Variants in NDUFA7 observed in about 807,000 individuals in gnomAD.
The protein encoded by NDUFA7 is NADH dehydrogenase [ubiquinone] 1 alpha subcomplex subunit 7.
NDUFA7 carries 18 observed loss-of-function variants against 14.2 expected under a neutral mutation model. The ratio of observed to expected loss-of-function variants is 1.27; its 90% CI spans 0.88 to 1.88. The LOEUF is 1.88. Among genes scored for constraint, NDUFA7 ranks in the 40% most tolerant of loss-of-function variants. The pLI is 0.00. For missense variants in NDUFA7, 172 were observed against 147.3 expected (o/e 1.17, Z -0.87); for synonymous variants, 75 against 62.1 (o/e 1.21, Z -0.98).
intron 2 of NDUFA7, among the ~76,000 whole-genome samples, chr19:8,318,425 G>C (rs1378115081): frequency 6.6e-6 from 1 of 151,978 alleles, no homozygotes; most frequent in Non-Finnish European, 1.5e-5. Flanking sequence ...TGGGATTACA[G>C]GCATGAGCCA....
At chr19:8,316,712 CT>C (rs755990875) in intron 2 of NDUFA7, 67 bp from the exon 3 acceptor site, 1 of 1,018,818 alleles carries the variant, frequency 9.8e-7, no homozygotes, top group Non-Finnish European at 1.4e-6. Context: ...CTGTGGGCCC[CT>C]GTCACCTCAG....
intron 2 of NDUFA7, among the ~76,000 whole-genome samples, chr19:8,320,323 T>G (rs1410045504): frequency 1.3e-5 from 2 of 152,198 alleles, no homozygotes; most frequent in African/African-American, 4.8e-5. Context: ...CAATACTACC[T>G]GCTGTGTTTG....
At chr19:8,311,966 G>A (rs977695611) in intron 3 of NDUFA7, among the ~76,000 whole-genome samples, 23 of 152,204 alleles carry the variant, frequency 1.5e-4, no homozygotes, top group Non-Finnish European at 7.3e-5. Flanking sequence ...AGGGCCAAGC[G>A]ATCAGGTGAC....
At chr19:8,318,320 T>G (rs1313541941) in intron 2 of NDUFA7, among the ~76,000 whole-genome samples, 1 of 151,938 alleles carries the variant, frequency 6.6e-6, no homozygotes, top group African/African-American at 2.4e-5. Flanking sequence ...TGGCTAATTT[T>G]TGTATTTTTA....
chr19:8,312,567 G>A lies in NDUFA7; in HGVS notation c.252-972C>T, dbSNP rs537556591. 7.9e-5 allele frequency among the ~76,000 whole-genome samples: 12 copies of A among 151,546 alleles called. 2 individuals are homozygous for A. The highest frequency in any genetic ancestry group is 1.3e-4 in the Admixed American group (2 of 15,204). ...ACAATCTCAGTTCACTGCAACGTCC[G>A]CCTCCCAGGCTTGAGTGATTCTCTT... is the stretch of plus-strand genomic sequence containing the variant. On this transcript the variant is annotated intron_variant, in intron 3 of 3. Coordinates refer to ENST00000301457, the MANE Select transcript of NDUFA7 (RefSeq NM_005001.5).
Position 8,311,452 on chromosome 19 carries a change from C to T in NDUFA7, c.*53G>A. The T allele has an allele frequency of 6.3e-6, 9 of 1,420,508 alleles. No homozygotes were observed. The highest frequency in any genetic ancestry group is 8.8e-6 in the Non-Finnish European group (9 of 1,026,340). 88.0% of individuals were successfully genotyped at this position (1,420,508 alleles called of 1,614,324 possible). ...TTGTCATAAATTAGGTCACATTCTC[C>T]CTGGAGGAAATCCAAGGAGGCAAAG... On this transcript the variant is annotated 3_prime_UTR_variant, in exon 4 of 4. Transcript: ENST00000301457.
intron 2 of NDUFA7, 47 bp downstream of exon 2, chr19:8,320,810 G>T (rs764551250): frequency 3.7e-6 from 6 of 1,611,106 alleles, no homozygotes; most frequent in Non-Finnish European, 5.1e-6. Flanking sequence ...GTTTTTGGTG[G>T]AGAAAGGACA....
At chr19:8,311,646 G>T (rs1970179329) in intron 3 of NDUFA7, 51 bp from the exon 4 acceptor site, 1 of 1,512,750 alleles carries the variant, frequency 6.6e-7, no homozygotes, top group Non-Finnish European at 9.1e-7. Flanking sequence ...AGTGTGGAAA[G>T]ATCTGAGGGA....
chr19:8,314,784 G>T (rs918241702), intron 3 of NDUFA7, among the ~76,000 whole-genome samples: 1 of 152,042 alleles, frequency 6.6e-6, no homozygotes, highest in Non-Finnish European at 1.5e-5. Context: ...GTAGTGGTGG[G>T]CACTTGTAGT....
chr19:8,321,140 C>T, intron 1 of NDUFA7, 168 bp downstream of exon 1: 2 of 982,628 alleles, frequency 2.0e-6, no homozygotes, highest in Admixed American at 2.8e-5. Flanking sequence ...GAGTGGTTCC[C>T]AGGCCAGGAG....
At chr19:8,313,398 T>A (rs182330536) in intron 3 of NDUFA7, among the ~76,000 whole-genome samples, 28 of 152,104 alleles carry the variant, frequency 1.8e-4, no homozygotes, top group African/African-American at 5.3e-4. Context: ...ACCTGGCTAA[T>A]TTTTTGTATT....
At chr19:8,309,588 C>T (rs1970150793), downstream of NDUFA7, among the ~76,000 whole-genome samples, 1 of 152,134 alleles carries the variant, frequency 6.6e-6, no homozygotes, top group East Asian at 1.9e-4. Context: ...GTCTTTCCTT[C>T]CCTCCTGACC....
At chr19:8,320,737 G>C in intron 2 of NDUFA7, 120 bp downstream of exon 2, 9 of 1,231,318 alleles carry the variant, frequency 7.3e-6, no homozygotes, top group Non-Finnish European at 9.5e-6. Context: ...TCCACAGCCT[G>C]GCAGGGGACT....
At chr19:8,317,445 G>A (rs2145396807) in intron 2 of NDUFA7, among the ~76,000 whole-genome samples, 1 of 152,182 alleles carries the variant, frequency 6.6e-6, no homozygotes, top group African/African-American at 2.4e-5. Context: ...GGAGGCAGAG[G>A]TTGCAGTGAG....
At chr19:8,312,312 G>C in intron 3 of NDUFA7, among the ~76,000 whole-genome samples, 1 of 152,292 alleles carries the variant, frequency 6.6e-6, no homozygotes, top group Non-Finnish European at 1.5e-5. Context: ...AGGGGTGGAG[G>C]CACAGGACCT....
rs1970295565 is a variant in NDUFA7 at position 8,320,848 on chromosome 19, C to T, written c.101+9G>A. The T allele has an allele frequency of 6.2e-7, 1 of 1,613,680 alleles. No homozygotes were observed. The highest frequency in any genetic ancestry group is 8.5e-7 in the Non-Finnish European group (1 of 1,180,004). On this transcript the variant is annotated intron_variant, in intron 2 of 3. Coordinates refer to ENST00000301457, the MANE Select transcript of NDUFA7 (RefSeq NM_005001.5). ...GCCAGAGGCTGGGCAGCGAGCGGGG[C>T]CTGCTCACCGCTTGGAGATCTCCTG...
intron 3 of NDUFA7, among the ~76,000 whole-genome samples, chr19:8,313,670 G>A (rs1970203748): frequency 6.6e-6 from 1 of 152,250 alleles, no homozygotes. Flanking sequence ...CACACCGTGA[G>A]TTGGCTGTAG....
chr19:8,314,831 T>G (rs1970215253), intron 3 of NDUFA7, among the ~76,000 whole-genome samples: 1 of 151,944 alleles, frequency 6.6e-6, no homozygotes, highest in Admixed American at 6.6e-5. Flanking sequence ...GAGAATGGCG[T>G]GAACCCCTGG....
intron 3 of NDUFA7, among the ~76,000 whole-genome samples, chr19:8,315,735 T>C (rs1347080084): frequency 6.6e-6 from 1 of 152,126 alleles, no homozygotes; most frequent in Non-Finnish European, 1.5e-5. Flanking sequence ...ATACTTTGTC[T>C]GTGTCTCTTT....
Sources: allele counts gnomAD v4.1 joint callset (sites outside exome capture counted in the v4.1 genomes callset), GRCh38; gene constraint gnomAD v4.1.1; transcripts MANE v1.5; gene names NCBI Gene and HGNC (gene_info 2026-07-23, HGNC 2026-07-21).